Variants in DISP3 observed in about 807,000 individuals in gnomAD.
DISP3 encodes the protein protein dispatched homolog 3.
Under a neutral mutation model 135.3 loss-of-function variants are expected in DISP3, and 101 were observed. The ratio of observed to expected loss-of-function variants is 0.75; its 90% CI spans 0.64 to 0.88. DISP3 has a LOEUF of 0.88. DISP3 is among the 40% of genes least tolerant of loss of function. The pLI is 0.00. For synonymous variants in DISP3, 856 were observed against 817.0 expected, an observed-to-expected ratio of 1.05 and a Z score of -0.81; for missense variants, 1,713 against 1,878.6, an observed-to-expected ratio of 0.91 and a Z score of 1.63.
At chr1:11,500,640 G>A (rs1442206641) in intron 1 of DISP3, among the ~76,000 whole-genome samples, 1 of 152,174 alleles carries the variant, frequency 6.6e-6, no homozygotes, top group Non-Finnish European at 1.5e-5. Flanking sequence ...AAAGTCAGAG[G>A]ATGCAGCAAG....
rs772656023 is a variant in DISP3 at position 11,519,729 on chromosome 1, G to T, written c.2049G>T (p.Glu683Asp). The T allele has an allele frequency of 6.8e-6, 11 of 1,612,676 alleles. No individual in the cohort carries two copies. The South Asian group carries it at 1.2e-4, about 18-fold the overall frequency. Reference sequence around the variant, plus strand: ...GCTCTGCCCTGGCAGTGTCACTGGAGCTGGGAGACGTGTCCCTGGTGTCTG... The same window carrying T: ...GCTCTGCCCTGGCAGTGTCACTGGATCTGGGAGACGTGTCCCTGGTGTCTG... ...LEVEEEPVSLELGDVSLVSVS... is the reference protein window; with the variant it reads ...LEVEEEPVSLDLGDVSLVSVS... Residue 683 changes from glutamate (E) to aspartate (D), a missense_variant, in exon 9 of 21, where the codon GAG becomes GAT. Physicochemically the swap from Glu to Asp is conservative, Grantham distance 45. Coordinates refer to ENST00000294484, the MANE Select transcript of DISP3 (RefSeq NM_020780.2). This position sits in a 1 kb window ranked among gnomAD's most constrained non-coding sequence, Gnocchi z 4.3.
chr1:11,494,498 C>T (rs1641275830), intron 1 of DISP3, among the ~76,000 whole-genome samples: 1 of 152,218 alleles, frequency 6.6e-6, no homozygotes, highest in Non-Finnish European at 1.5e-5. Flanking sequence ...GCCAGGACAT[C>T]CGGAGAGCGG....
At position 11,501,735 on chromosome 1, in the gene DISP3, G is replaced by A. The variant is rs747318542; in HGVS notation, c.743G>A (p.Arg248His). The A allele has an allele frequency of 1.3e-6, 2 of 1,591,862 alleles. No individual in the cohort carries two copies. Among genetic ancestry groups the A allele is most frequent in the Non-Finnish European group, 1.7e-6 (2 of 1,168,006 alleles). The change falls in exon 2 of 21, where the codon CGT becomes CAT. Residue 248 changes from arginine to histidine, a missense_variant. Coordinates refer to ENST00000294484, the MANE Select transcript of DISP3 (RefSeq NM_020780.2). This position sits in a 1 kb window ranked among gnomAD's most constrained non-coding sequence, Gnocchi z 4.9. ...PHAAVAANQS[R>H]ARRGASRWDY... Reference sequence around the variant, plus strand: ...GCGGCAGTCGCGGCCAATCAGAGCCGTGCCCGCCGAGGCGCCTCGCGCTGG... The same window carrying A: ...GCGGCAGTCGCGGCCAATCAGAGCCATGCCCGCCGAGGCGCCTCGCGCTGG...
chr1:11,512,510 AC>A (rs1286637582), intron 3 of DISP3, among the ~76,000 whole-genome samples: 5 of 152,252 alleles, frequency 3.3e-5, no homozygotes, highest in Non-Finnish European at 1.5e-5. Flanking sequence ...CCAGTTCCCA[AC>A]AAATTCCTCA....
Position 11,520,982 on chromosome 1 carries a change from CCATGTTCCCACAGTT to C in DISP3, c.2362+138_2362+152del. The C allele has an allele frequency of 8.9e-7, 1 of 1,128,014 alleles. No homozygotes were observed. Among genetic ancestry groups the C allele is most frequent in the Non-Finnish European group, 1.2e-6 (1 of 816,750 alleles). 69.9% of individuals were successfully genotyped at this position (1,128,014 alleles called of 1,614,324 possible). A position where few individuals can be genotyped will look rare whatever the true frequency, so the allele number is the denominator to read the frequency against. On this transcript the variant is annotated intron_variant, in intron 10 of 20. Coordinates refer to ENST00000294484, the MANE Select transcript of DISP3 (RefSeq NM_020780.2). The surrounding 1 kb of genome is among the most constrained non-coding windows in gnomAD (Gnocchi z 4.8). ...GCAAATCCCACTCCCCTCTGAGCCC[CCATGTTCCCACAGTT>C]CATTCAACAGATGCCTGCTGGGTGC...
At chr1:11,494,856 G>A (rs1294663834) in intron 1 of DISP3, among the ~76,000 whole-genome samples, 1 of 152,152 alleles carries the variant, frequency 6.6e-6, no homozygotes, top group Admixed American at 6.5e-5. Flanking sequence ...ATGGGGGAGT[G>A]GAGAAGGAAG....
chr1:11,501,757 C>G lies in DISP3; in HGVS notation c.765C>G (p.Arg255=), dbSNP rs767352370. The G allele has an allele frequency of 1.9e-5, 30 of 1,592,508 alleles. No individual in the cohort carries two copies. The Admixed American group carries it at 3.4e-4, about 18-fold the overall frequency. ...NQSRARRGAS[R]WDYSRAYVSA... ...GCCGTGCCCGCCGAGGCGCCTCGCGCTGGGACTACTCGCGCGCCTATGTGA... is the reference window on the plus strand; with the variant it reads ...GCCGTGCCCGCCGAGGCGCCTCGCGGTGGGACTACTCGCGCGCCTATGTGA... Residue 255 remains arginine, a synonymous_variant, in exon 2 of 21, where the codon CGC becomes CGG. Transcript: ENST00000294484. The surrounding 1 kb of genome is among the most constrained non-coding windows in gnomAD (Gnocchi z 4.9).
chr1:11,512,790 CTG>C (rs1249143354), intron 3 of DISP3, among the ~76,000 whole-genome samples: 1 of 152,158 alleles, frequency 6.6e-6, no homozygotes, highest in Non-Finnish European at 1.5e-5. Flanking sequence ...AAAGACATAA[CTG>C]AAACTGAGAA....
At chr1:11,487,129 C>T (rs1641057407) in intron 1 of DISP3, among the ~76,000 whole-genome samples, 1 of 152,222 alleles carries the variant, frequency 6.6e-6, no homozygotes. Flanking sequence ...TTGGCAGGGC[C>T]TGACCCCAAG....
chr1:11,521,347 A>C (rs1309266741), intron 10 of DISP3, among the ~76,000 whole-genome samples: 1 of 73,214 alleles, frequency 1.4e-5, no homozygotes, highest in Non-Finnish European at 2.5e-5. Context: ...AGGGAAGAGG[A>C]GGGGTTAGCC....
At chr1:11,535,219 T>C (rs2100520558) in intron 19 of DISP3, 95 bp downstream of exon 19, 1 of 1,222,580 alleles carries the variant, frequency 8.2e-7, no homozygotes, top group Non-Finnish European at 1.1e-6. Context: ...CCTCTGAACC[T>C]TTCACTGTCA....
rs551607109 is a variant in DISP3, at chr1:11,536,989, T to C, written c.*303T>C. 261 of 398,244 alleles carry C rather than the reference T, an allele frequency of 6.6e-4. 2 individuals are homozygous for C. Among genetic ancestry groups the C allele is most frequent in the African/African-American group, 4.7e-3 (233 of 49,514 alleles). 24.7% of individuals were successfully genotyped at this position (398,244 alleles called of 1,614,324 possible). A position where few individuals can be genotyped will look rare whatever the true frequency, so the allele number is the denominator to read the frequency against. ...CACCATGGGGGTCAGGTTATTTTTG[T>C]AGGGGGTCTCCCTCTCACACTGCCT... On this transcript the variant is annotated 3_prime_UTR_variant, in exon 21 of 21. Transcript: ENST00000294484. The surrounding 1 kb of genome is among the most constrained non-coding windows in gnomAD (Gnocchi z 4.3).
At position 11,531,398 on chromosome 1, in the gene DISP3, G is replaced by T. The variant is rs1040257530; in HGVS notation, c.3230-167G>T. ...TCCCTGGGAGGGGCCCACAGGTCAT[G>T]TTCCACCCCGATGGCAAATGCATGT... On this transcript the variant is annotated intron_variant, in intron 16 of 20. Transcript: ENST00000294484. This position sits in a 1 kb window ranked among gnomAD's most constrained non-coding sequence, Gnocchi z 5.2. Among the ~76,000 whole-genome samples the T allele has an allele frequency of 6.6e-6, 1 of 152,160 alleles. No homozygotes were observed. Among genetic ancestry groups the T allele is most frequent in the African/African-American group, 2.4e-5 (1 of 41,432 alleles).
intron 3 of DISP3, among the ~76,000 whole-genome samples, chr1:11,510,511 A>G (rs1455189841): frequency 6.7e-6 from 1 of 148,560 alleles, no homozygotes; most frequent in East Asian, 2.0e-4. Context: ...TATATTATAA[A>G]CCCCACCCTA....
rs1385996772 is a variant in DISP3 at position 11,519,910 on chromosome 1, T to C, written c.2200+30T>C. The C allele has an allele frequency of 4.4e-6, 7 of 1,581,174 alleles. No homozygotes were observed. The East Asian group carries it at 1.6e-4, about 36-fold the overall frequency. ...GTGGGCCCTCCGGCCCTGCCCCCTG[T>C]CTCACAGCTCCACCCCCAAAACACA... On this transcript the variant is annotated intron_variant, in intron 9 of 20. Coordinates refer to ENST00000294484, the MANE Select transcript of DISP3 (RefSeq NM_020780.2). The surrounding 1 kb of genome is among the most constrained non-coding windows in gnomAD (Gnocchi z 4.3).
rs201408187 is a variant in DISP3 at position 11,519,801 on chromosome 1, C to T, written c.2121C>T (p.Gly707=). The T allele has an allele frequency of 5.3e-5, 86 of 1,612,998 alleles. No homozygotes were observed. In the African/African-American group the frequency reaches 1.0e-3, roughly 19 times the overall value. ...CAGCCTCCAACACGGGCAGCCGCGG[C>T]CATCTCATCGTGCAGCTGCAGGAGC... ...LQPASNTGSR[G]HLIVQLQELL... is the part of the protein sequence containing the mutation. Residue 707 remains glycine, a synonymous_variant, in exon 9 of 21, where the codon GGC becomes GGT. Coordinates refer to ENST00000294484, the MANE Select transcript of DISP3 (RefSeq NM_020780.2). This position sits in a 1 kb window ranked among gnomAD's most constrained non-coding sequence, Gnocchi z 4.3.
At chr1:11,490,023 G>C (rs1171093058) in intron 1 of DISP3, among the ~76,000 whole-genome samples, 1 of 152,156 alleles carries the variant, frequency 6.6e-6, no homozygotes, top group Non-Finnish European at 1.5e-5. Context: ...AGATGCTGGG[G>C]TGCTGGACTG....
chr1:11,534,582 G>A (rs774097320), intron 18 of DISP3, 42 bp downstream of exon 18: 16 of 1,569,286 alleles, frequency 1.0e-5, no homozygotes, highest in Admixed American at 5.3e-5. Context: ...TGGGCAGGAG[G>A]CAGAGGGACC....
At chr1:11,518,818 C>G (rs1270855649) in intron 7 of DISP3, among the ~76,000 whole-genome samples, 1 of 151,936 alleles carries the variant, frequency 6.6e-6, no homozygotes, top group Non-Finnish European at 1.5e-5. Context: ...ACGCAGGGCT[C>G]CCAGCTCACT....
Sources: gnomAD v4.1 joint callset for allele counts (sites outside exome capture counted in the v4.1 genomes callset) on GRCh38, gnomAD v4.1.1 for gene constraint, Gnocchi (gnomAD v3.1) non-coding constraint, MANE v1.5 for transcripts, NCBI Gene and HGNC (gene_info 2026-07-23, HGNC 2026-07-21) for gene names.